ABCA6: variants seen among roughly 807,000 people sequenced by gnomAD.
ABCA6 encodes ATP-binding cassette sub-family A member 6.
A neutral mutation model predicts 191.2 loss-of-function variants in ABCA6; 164 were observed. That is an observed-to-expected ratio of 0.86 (90% CI 0.76 to 0.98). The LOEUF (loss-of-function observed/expected upper bound fraction) is 0.98. ABCA6 is among the 50% of genes least tolerant of loss of function. ABCA6 has a pLI of 0.00. For synonymous variants in ABCA6, 636 were observed against 647.7 expected (o/e 0.98, Z 0.27); for missense variants, 1,958 against 1,894.1 (o/e 1.03, Z -0.63).
At chr17:69,141,534 CAGCT>C (rs1235155672) in intron 1 of ABCA6, among the ~76,000 whole-genome samples, 1 of 152,056 alleles carries the variant, frequency 6.6e-6, no homozygotes, top group African/African-American at 2.4e-5. Context: ...AATTCTCCCT[CAGCT>C]AGCACAGAAG....
At chr17:69,089,098 A>C (rs2072870025) in intron 27 of ABCA6, among the ~76,000 whole-genome samples, 1 of 152,226 alleles carries the variant, frequency 6.6e-6, no homozygotes, top group Non-Finnish European at 1.5e-5. Context: ...CTTCAGCCTA[A>C]ATACACCAAA....
At chr17:69,099,192 C>A (rs942504525) in intron 22 of ABCA6, among the ~76,000 whole-genome samples, 2 of 152,162 alleles carry the variant, frequency 1.3e-5, no homozygotes, top group East Asian at 3.8e-4. Context: ...GCCAAGTGGA[C>A]ACTCTAGCAG....
intron 4 of ABCA6, chr17:69,135,433 C>G (rs1255575982): frequency 6.6e-6 from 1 of 152,300 alleles, no homozygotes; most frequent in Non-Finnish European, 1.5e-5. Context: ...ACACTTTTGC[C>G]GTGATTAAAG....
intron 24 of ABCA6, 44 bp from the exon 25 acceptor site, chr17:69,096,397 T>C (rs1417303802): frequency 2.7e-6 from 3 of 1,119,020 alleles, no homozygotes; most frequent in Non-Finnish European, 3.7e-6. Context: ...AATCAAATAT[T>C]ACTGAGGGAA....
Position 69,128,800 on chromosome 17 carries a change from G to A in ABCA6, c.938C>T (p.Ala313Val), listed in dbSNP as rs774241560. 2.5e-6 allele frequency: 4 copies of A among 1,588,084 alleles called. No individual in the cohort carries two copies. The highest frequency in any genetic ancestry group is 3.4e-6 in the Non-Finnish European group (4 of 1,167,164). ...LFFLYGLSLV[A>V]LVFLMSVLLK... ...CAGCACACTCATCAGGAACACCAAA[G>A]CTACCTGCAAGAGAGAGAAGACATT... Residue 313 changes from alanine to valine, a missense_variant, in exon 8 of 39, where the codon GCT becomes GTT. Transcript: ENST00000284425.
chr17:69,101,007 G>A, intron 21 of ABCA6, 73 bp from the exon 22 acceptor site: 2 of 1,268,456 alleles, frequency 1.6e-6, no homozygotes, highest in Middle Eastern at 2.9e-4. Context: ...ATGTATAAAA[G>A]ATCCTAACAG....
At chr17:69,111,089 T>C (rs971974322) in intron 16 of ABCA6, 149 bp from the exon 17 acceptor site, 13 of 652,758 alleles carry the variant, frequency 2.0e-5, no homozygotes, top group Admixed American at 3.4e-5. Flanking sequence ...GATAGTAATC[T>C]ATCAGTTTGA....
intron 20 of ABCA6, 21 bp downstream of exon 20, chr17:69,105,441 A>G (rs2144656754): frequency 6.3e-7 from 1 of 1,590,284 alleles, no homozygotes; most frequent in East Asian, 2.3e-5. Context: ...TTCTGGATTT[A>G]AATTTTATTT....
rs1376881426 is a variant in ABCA6 at position 69,133,686 on chromosome 17, G to C, written c.746C>G (p.Ser249Cys). 2 of 1,606,218 alleles carry C rather than the reference G, an allele frequency of 1.2e-6. No homozygotes were observed. The highest frequency in any genetic ancestry group is 1.7e-6 in the Non-Finnish European group (2 of 1,174,530). Reference protein sequence around the residue: ...SLNVTKERKKSKNLMKMMGLQ... With the variant: ...SLNVTKERKKCKNLMKMMGLQ... The stretch of plus-strand genomic sequence containing the variant: ...ACCCATCATTTTCATCAAATTCTTA[G>C]ACTTTTTTCTCTCTTTTGTTACATT... The change falls in exon 6 of 39, where the codon TCT becomes TGT. Residue 249 changes from serine (S) to cysteine (C), a missense_variant. Transcript: ENST00000284425.
chr17:69,135,918 TGCAGTCATCC>T, intron 4 of ABCA6, 164 bp downstream of exon 4: 1 of 635,938 alleles, frequency 1.6e-6, no homozygotes, highest in Non-Finnish European at 2.7e-6. Context: ...CTACAATTTT[TGCAGTCATCC>T]TGTAGTAGGA....
rs1315252265 is a variant in ABCA6 at position 69,084,112 on chromosome 17, C to T, written c.4355+149G>A. On this transcript the variant is annotated intron_variant, in intron 34 of 38. Transcript: ENST00000284425. ...AACATCATGCAGATTAGATCATCTACTGGTTAAATATTTGTTTTCCTGATA... is the reference window on the plus strand; with the variant it reads ...AACATCATGCAGATTAGATCATCTATTGGTTAAATATTTGTTTTCCTGATA... 7 of 685,564 alleles carry T rather than the reference C, an allele frequency of 1.0e-5. No homozygotes were observed. In the East Asian group the frequency reaches 1.9e-4, roughly 19 times the overall value. 42.5% of individuals were successfully genotyped at this position (685,564 alleles called of 1,614,324 possible). A position where few individuals can be genotyped will look rare whatever the true frequency, so the allele number is the denominator to read the frequency against.
intron 17 of ABCA6, chr17:69,109,910 A>T (rs569821685): frequency 6.6e-6 from 1 of 152,296 alleles, no homozygotes; most frequent in East Asian, 1.9e-4. Context: ...TGAAAAGGTG[A>T]AAGTTCTCAA....
intron 6 of ABCA6, among the ~76,000 whole-genome samples, chr17:69,131,252 G>A (rs979985868): frequency 2.0e-5 from 3 of 152,090 alleles, no homozygotes; most frequent in Admixed American, 2.0e-4. Flanking sequence ...ATTAAAACCA[G>A]GACTTTGCAT....
At chr17:69,135,712 C>G (rs1310401229) in intron 4 of ABCA6, 6 of 333,702 alleles carry the variant, frequency 1.8e-5, no homozygotes, top group Non-Finnish European at 2.7e-5. Flanking sequence ...GGTAGGACTT[C>G]TCTAATCCCA....
intron 32 of ABCA6, among the ~76,000 whole-genome samples, chr17:69,084,805 C>T (rs2072735531): frequency 6.6e-6 from 1 of 151,792 alleles, no homozygotes; most frequent in Non-Finnish European, 1.5e-5. Context: ...CATGGTGATT[C>T]GTTCACTTAT....
chr17:69,112,805 C>T (rs1262081839), intron 15 of ABCA6: 1 of 152,308 alleles, frequency 6.6e-6, no homozygotes, highest in Non-Finnish European at 1.5e-5. Context: ...TAAATTTATA[C>T]AAATAAATTA....
At chr17:69,087,500 T>C (rs369114698) in intron 28 of ABCA6, 27 bp from the exon 29 acceptor site, 2 of 1,612,442 alleles carry the variant, frequency 1.2e-6, no homozygotes, top group Non-Finnish European at 8.5e-7. Flanking sequence ...ATGTGTTACA[T>C]GTGGTATTCT....
chr17:69,090,275 G>C (rs997661247), intron 26 of ABCA6, among the ~76,000 whole-genome samples: 5 of 152,164 alleles, frequency 3.3e-5, no homozygotes, highest in African/African-American at 1.2e-4. Flanking sequence ...TTCATCCAGA[G>C]TGGTACAGAG....
chr17:69,103,911 C>CTTTTTTTTTTCT (rs768965153), intron 20 of ABCA6: 2 of 93,350 alleles, frequency 2.1e-5, no homozygotes, highest in African/African-American at 8.6e-5. Flanking sequence ...AAAAGAAGGA[C>CTTTTTTTTTTCT]TTTTTTTTTT....
Sources: gnomAD v4.1 joint callset for allele counts (sites outside exome capture counted in the v4.1 genomes callset) on GRCh38, gnomAD v4.1.1 for gene constraint, MANE v1.5 for transcripts, NCBI Gene and HGNC (gene_info 2026-07-23, HGNC 2026-07-21) for gene names.